The following MKI67 variants were observed in gnomAD, a reference collection of about 807,000 sequenced individuals.
MKI67 encodes the protein proliferation marker protein Ki-67.
MKI67 carries 152 observed loss-of-function variants against 233.5 expected under a neutral mutation model. The observed-to-expected ratio is 0.65, with a 90% CI of 0.57 to 0.74. The LOEUF (loss-of-function observed/expected upper bound fraction) is 0.74. Ranked by LOEUF, MKI67 falls within the 30% of genes least tolerant of loss-of-function variation. MKI67 has a pLI of 0.00. For synonymous variants in MKI67, 1,465 were observed against 1,418.5 expected (o/e 1.03, Z -0.74); for missense variants, 3,940 against 3,885.2 (o/e 1.01, Z -0.37).
chr10:128,117,161 G>A (rs1396538420), intron 5 of MKI67, among the ~76,000 whole-genome samples: 1 of 152,190 alleles, frequency 6.6e-6, no homozygotes, highest in African/African-American at 2.4e-5. Flanking sequence ...TCCTATTGCG[G>A]AAGAACCAAA....
chr10:128,108,454 C>A lies in MKI67; in HGVS notation c.3386G>T (p.Cys1129Phe), dbSNP rs1451262486. The A allele has an allele frequency of 1.2e-6, 2 of 1,613,864 alleles. No homozygotes were observed. Among genetic ancestry groups the A allele is most frequent in the Non-Finnish European group, 1.7e-6 (2 of 1,180,004 alleles). ...MTDEKTTKIA[C>F]KSPPPESVDT... ...CACTGATTCTGGTGGTGGAGATTTG[C>A]AGGCTATTTTGGTAGTTTTCTCATC... The change falls in exon 13 of 15, where the codon TGC (cysteine) becomes TTC (phenylalanine). Residue 1129 changes from cysteine to phenylalanine, a missense_variant. Cys to Phe is a radical substitution (Grantham distance 205). Transcript: ENST00000368654.
intron 14 of MKI67, among the ~76,000 whole-genome samples, chr10:128,099,939 G>T (rs1250622578): frequency 6.6e-6 from 1 of 152,202 alleles, no homozygotes; most frequent in Non-Finnish European, 1.5e-5. Flanking sequence ...TGGTTGCTCT[G>T]TGTTTAGGAA....
At position 128,106,268 on chromosome 10, in the gene MKI67, G is replaced by C; in HGVS notation, c.5572C>G (p.Leu1858Val). The change falls in exon 13 of 15, where the codon CTC (leucine) becomes GTC (valine). Residue 1858 changes from leucine (L) to valine (V), a missense_variant. Physicochemically the swap from Leu to Val is conservative, Grantham distance 32. Coordinates refer to ENST00000368654, the MANE Select transcript of MKI67 (RefSeq NM_002417.5). ...GGGTCTGATTGCGGAGATTTGCAGA[G>C]TATTTTTTTGGTAGTTTTCTCATCA... ...TTDEKTTKKI[L>V]CKSPQSDPAD... 6.2e-7 allele frequency: 1 copy of C among 1,613,778 alleles called. No homozygotes were observed. The highest frequency in any genetic ancestry group is 2.2e-5 in the East Asian group (1 of 44,826).
chr10:128,121,341 T>A (rs1189663535), intron 4 of MKI67, among the ~76,000 whole-genome samples: 2 of 145,778 alleles, frequency 1.4e-5, no homozygotes, highest in African/African-American at 5.0e-5. Context: ...TATATGTGTA[T>A]ATATATTACA....
At chr10:128,102,007 G>A (rs1564997666) in intron 13 of MKI67, among the ~76,000 whole-genome samples, 2 of 151,988 alleles carry the variant, frequency 1.3e-5, no homozygotes, top group Admixed American at 1.3e-4. Flanking sequence ...TAGAAAGAAG[G>A]TCCGTTATTC....
In MKI67 at chr10:128,105,685, G is replaced by A. The variant is rs1852469448; in HGVS notation, c.6155C>T (p.Pro2052Leu). Residue 2052 changes from proline (P) to leucine (L), a missense_variant, in exon 13 of 15, where the codon CCA becomes CTA. By Grantham distance (98) the Pro-to-Leu change is moderately conservative. Coordinates refer to ENST00000368654, the MANE Select transcript of MKI67 (RefSeq NM_002417.5). ...CTCCATCCCAGTTCCATAGTTTGCT[G>A]GGTCCAGCATCTGCTTTGCAGATTC... ...FKESAKQMLD[P>L]ANYGTGMERW... 9 of 1,613,938 alleles carry A rather than the reference G, an allele frequency of 5.6e-6. No homozygotes were observed. Among genetic ancestry groups the A allele is most frequent in the Non-Finnish European group, 7.6e-6 (9 of 1,180,006 alleles).
At chr10:128,121,764 T>C (rs1251028441) in intron 4 of MKI67, among the ~76,000 whole-genome samples, 3 of 151,538 alleles carry the variant, frequency 2.0e-5, no homozygotes, top group Non-Finnish European at 4.4e-5. Context: ...ATGAATTCTG[T>C]ATAGTTATGT....
chr10:128,108,273 T>C lies in MKI67; in HGVS notation c.3567A>G (p.Ala1189=). 1 of 1,613,952 alleles carries C rather than the reference T, an allele frequency of 6.2e-7. No homozygotes were observed. Among genetic ancestry groups the C allele is most frequent in the Non-Finnish European group, 8.5e-7 (1 of 1,179,986 alleles). ...GTTTCTGCACTGGAGTTCCCATAAA[T>C]GCTTTAATGTCTTTCTCATCACCTC... The part of the protein sequence containing the change: ...PAGGDEKDIK[A]FMGTPVQKLD... The change falls in exon 13 of 15, where the codon GCA becomes GCG. Residue 1189 remains alanine (A), a synonymous_variant. Transcript: ENST00000368654.
rs1170463760 is a variant in MKI67, at chr10:128,105,570, C to T, written c.6270G>A (p.Glu2090=). Residue 2090 remains glutamate (E), a synonymous_variant, in exon 13 of 15, where the codon GAG becomes GAA. Coordinates refer to ENST00000368654, the MANE Select transcript of MKI67 (RefSeq NM_002417.5). The part of the protein sequence containing the change: ...KELFQTPDHT[E]ESTTDDKTTK... ...TAGTTTTGTCATCAGTTGTTGATTC[C>T]TCAGTGTGGTCTGGTGTCTGGAAGA... 8 of 1,613,594 alleles carry T rather than the reference C, an allele frequency of 5.0e-6. No homozygotes were observed. The highest frequency in any genetic ancestry group is 1.6e-4 in the Middle Eastern group (1 of 6,062).
At chr10:128,116,072 G>C (rs1185781373) in intron 6 of MKI67, 65 bp from the exon 7 acceptor site, 15 of 1,485,350 alleles carry the variant, frequency 1.0e-5, no homozygotes, top group Non-Finnish European at 1.3e-5. Flanking sequence ...AACATTTGTG[G>C]AATTCAATAT....
chr10:128,105,866 G>A lies in MKI67; in HGVS notation c.5974C>T (p.Pro1992Ser). 1.7e-5 allele frequency: 27 copies of A among 1,613,992 alleles called. No individual in the cohort carries two copies. The highest frequency in any genetic ancestry group is 2.1e-5 in the Non-Finnish European group (25 of 1,180,010). ...TTGAGTCGTTGCTTGGAGCTTGTTGGGGTTTTGACTGGGTCTGGTTGTGGA... is the reference window on the plus strand; with the variant it reads ...TTGAGTCGTTGCTTGGAGCTTGTTGAGGTTTTGACTGGGTCTGGTTGTGGA... ...KSPQPDPVKT[P>S]TSSKQRLKIS... is the part of the protein sequence containing the mutation. The change falls in exon 13 of 15, where the codon CCA becomes TCA. Residue 1992 changes from proline (P) to serine (S), a missense_variant. Transcript: ENST00000368654.
At position 128,114,158 on chromosome 10, in the gene MKI67, C is replaced by T. The variant is rs567782689; in HGVS notation, c.1481-556G>A. Among the ~76,000 whole-genome samples the T allele has an allele frequency of 2.2e-4, 33 of 152,308 alleles. No individual in the cohort carries two copies. In the South Asian group the frequency reaches 6.8e-3, roughly 32 times the overall value. On this transcript the variant is annotated intron_variant, in intron 7 of 14. Transcript: ENST00000368654. ...TTACAAACCTTATTTTATCGACAGC[C>T]TCATGCCCCACCGCTATAGGCCACC...
Position 128,106,152 on chromosome 10 carries a change from T to C in MKI67, c.5688A>G (p.Leu1896=), listed in dbSNP as rs767406846. The C allele has an allele frequency of 1.7e-5, 28 of 1,613,838 alleles. No homozygotes were observed. Among genetic ancestry groups the C allele is most frequent in the Non-Finnish European group, 2.4e-5 (28 of 1,180,006 alleles). ...GCATGGCTTTGCCTGCTGATGGTGT[T>C]AGTTTCCTGAATGCTAAAAATTCTT... ...VEEEFLAFRK[L]TPSAGKAMHT... The change falls in exon 13 of 15, where the codon CTA becomes CTG. Residue 1896 remains leucine, a synonymous_variant. Transcript: ENST00000368654.
rs752265332 is a variant in MKI67 at position 128,099,166 on chromosome 10, AT to A, written c.*23del. 202 of 1,579,478 alleles carry A rather than the reference AT, an allele frequency of 1.3e-4. No homozygotes were observed. Among genetic ancestry groups the A allele is most frequent in the Non-Finnish European group, 1.7e-4 (192 of 1,156,454 alleles). ...CTTATCACAAAACTAACTTTATTAT[AT>A]TTTTCCCAGTTCGATTTTTCTGTCA... is the stretch of plus-strand genomic sequence containing the variant. On this transcript the variant is annotated 3_prime_UTR_variant, in exon 15 of 15. Coordinates refer to ENST00000368654, the MANE Select transcript of MKI67 (RefSeq NM_002417.5).
chr10:128,099,630 G>A (rs1158711018), intron 14 of MKI67, among the ~76,000 whole-genome samples: 2 of 152,176 alleles, frequency 1.3e-5, no homozygotes, highest in African/African-American at 4.8e-5. Flanking sequence ...CCTAAACCAA[G>A]GAACCCCTGT....
chr10:128,106,738 T>C lies in MKI67; in HGVS notation c.5102A>G (p.Lys1701Arg). The change falls in exon 13 of 15, where the codon AAG (lysine) becomes AGG (arginine). Residue 1701 changes from lysine (K) to arginine (R), a missense_variant. Physicochemically the swap from Lys to Arg is conservative, Grantham distance 26. Transcript: ENST00000368654. ...TGSKRQLRTP[K>R]GKSEVPEDLA... ...GTCTTCAGGGACTTCAGACTTTCCC[T>C]TAGGAGTTCTCAGCTGCCTCTTGCT... The C allele has an allele frequency of 6.2e-7, 1 of 1,614,120 alleles. No homozygotes were observed. Among genetic ancestry groups the C allele is most frequent in the Non-Finnish European group, 8.5e-7 (1 of 1,180,010 alleles).
At chr10:128,113,699 A>C in intron 7 of MKI67, 97 bp from the exon 8 acceptor site, 1 of 1,138,232 alleles carries the variant, frequency 8.8e-7, no homozygotes, top group Non-Finnish European at 1.3e-6. Context: ...CCAAGTGAAA[A>C]GTCATCGAAA....
Position 128,104,006 on chromosome 10 carries a change from C to T in MKI67, c.7834G>A (p.Val2612Ile). The T allele has an allele frequency of 6.2e-7, 1 of 1,614,080 alleles. No homozygotes were observed. Among genetic ancestry groups the T allele is most frequent in the Non-Finnish European group, 8.5e-7 (1 of 1,180,022 alleles). ...TCAACTGCTGAGAGCTCCTCTTTTA[C>T]TTCTTTCCTGGGACGTGTCTTGGGG... ...RCPKTRPRKE[V>I]KEELSAVERL... is the part of the protein sequence containing the mutation. The change falls in exon 13 of 15, where the codon GTA becomes ATA. Residue 2612 changes from valine (V) to isoleucine (I), a missense_variant. Coordinates refer to ENST00000368654, the MANE Select transcript of MKI67 (RefSeq NM_002417.5).
At position 128,115,891 on chromosome 10, in the gene MKI67, C is replaced by A; in HGVS notation, c.517G>T (p.Asp173Tyr). The change falls in exon 7 of 15, where the codon GAC (aspartate) becomes TAC (tyrosine). Residue 173 changes from aspartate (D) to tyrosine (Y), a missense_variant. By Grantham distance (160) the Asp-to-Tyr change is radical. Coordinates refer to ENST00000368654, the MANE Select transcript of MKI67 (RefSeq NM_002417.5). ...TTAGTTGTTCCCTGAGCAACACTGT[C>A]TTTTGAGTCATCTGCGGTACTGTCT... ...KEDSTADDSKDSVAQGTTNVH... is the reference protein window; with the variant it reads ...KEDSTADDSKYSVAQGTTNVH... 6.2e-7 allele frequency: 1 copy of A among 1,609,924 alleles called. No individual in the cohort carries two copies. The highest frequency in any genetic ancestry group is 1.1e-5 in the South Asian group (1 of 91,082).
Sources: allele counts gnomAD v4.1 joint callset (sites outside exome capture counted in the v4.1 genomes callset), GRCh38; gene constraint gnomAD v4.1.1; transcripts MANE v1.5; gene names NCBI Gene and HGNC (gene_info 2026-07-23, HGNC 2026-07-21).